FHOD3: variants seen among roughly 807,000 people sequenced by gnomAD.
FHOD3 encodes formin homology 2 domain containing 3.
Under a neutral mutation model 173.0 loss-of-function variants are expected in FHOD3, and 90 were observed. The observed-to-expected ratio is 0.52, with a 90% CI of 0.44 to 0.62. The LOEUF is 0.62. FHOD3 is among the 20% of genes least tolerant of loss of function. FHOD3 has a pLI of 0.00. For missense variants in FHOD3, 1,945 were observed against 2,034.7 expected (o/e 0.96, Z 0.85); for synonymous variants, 828 against 823.0 (o/e 1.01, Z -0.10).
Position 36,379,528 on chromosome 18 carries a change from C to T in FHOD3, c.337+6784C>T, listed in dbSNP as rs2047628096. On this transcript the variant is annotated intron_variant, in intron 3 of 28. Transcript: ENST00000590592. ...TAATTGTTTATATCCTGGTTGGTCACTTAACAAGGAACATGAAAATCTGGC... is the reference window on the plus strand; with the variant it reads ...TAATTGTTTATATCCTGGTTGGTCATTTAACAAGGAACATGAAAATCTGGC... Among the ~76,000 whole-genome samples, 3 of 152,084 alleles carry T rather than the reference C, an allele frequency of 2.0e-5. No homozygotes were observed. In the South Asian group the frequency reaches 6.2e-4, roughly 32 times the overall value.
At chr18:36,335,128 A>G (rs1474560173) in intron 1 of FHOD3, among the ~76,000 whole-genome samples, 2 of 152,236 alleles carry the variant, frequency 1.3e-5, no homozygotes, top group Non-Finnish European at 2.9e-5. Flanking sequence ...CCTGGGCCAC[A>G]CTGGCAAAAG....
rs2040563743 is a variant in FHOD3, at chr18:36,718,164, C to T, written c.2866C>T (p.Pro956Ser). Residue 956 changes from proline to serine, a missense_variant, in exon 19 of 29, where the codon CCT (proline) becomes TCT (serine). Coordinates refer to ENST00000590592, the MANE Select transcript of FHOD3 (RefSeq NM_001281740.3). ...GGACCTGGGGAGAGGTTCCATCTCC[C>T]CTGATGCTGAGCCCAATGACAAGGT... ...SGDLGRGSIS[P>S]DAEPNDKVPE... is the part of the protein sequence containing the mutation. The T allele has an allele frequency of 1.2e-6, 2 of 1,611,722 alleles. No homozygotes were observed. Among genetic ancestry groups the T allele is most frequent in the Non-Finnish European group, 1.7e-6 (2 of 1,178,808 alleles).
intron 17 of FHOD3, among the ~76,000 whole-genome samples, chr18:36,703,471 T>G (rs921391270): frequency 1.3e-5 from 2 of 152,178 alleles, no homozygotes; most frequent in Admixed American, 1.3e-4. Flanking sequence ...ACATGTTTCC[T>G]TATTTCTCAC....
chr18:36,704,720 G>A (rs2149614572), intron 17 of FHOD3, among the ~76,000 whole-genome samples: 1 of 152,216 alleles, frequency 6.6e-6, no homozygotes, highest in Non-Finnish European at 1.5e-5. Context: ...TAATACCAGA[G>A]CCCTCCCCAT....
Position 36,718,517 on chromosome 18 carries a change from C to T in FHOD3, c.3219C>T (p.Pro1073=), listed in dbSNP as rs1326263851. The part of the protein sequence containing the change: ...APQGLGWSQV[P]RGQPTFTKKK... ...AGGGCTTAGGGTGGTCCCAGGTACC[C>T]AGGGGTCAGCCCACATTCACTAAGA... Residue 1073 remains proline, a synonymous_variant, in exon 19 of 29, where the codon CCC becomes CCT. Transcript: ENST00000590592. 2 of 1,614,108 alleles carry T rather than the reference C, an allele frequency of 1.2e-6. No individual in the cohort carries two copies. Among genetic ancestry groups the T allele is most frequent in the South Asian group, 2.2e-5 (2 of 91,080 alleles).
intron 1 of FHOD3, among the ~76,000 whole-genome samples, chr18:36,350,373 T>C (rs1038666942): frequency 6.6e-6 from 1 of 152,180 alleles, no homozygotes; most frequent in African/African-American, 2.4e-5. Flanking sequence ...TCTGAAGTCT[T>C]CCTGTTGCAC....
intron 9 of FHOD3, among the ~76,000 whole-genome samples, chr18:36,621,361 G>T (rs766110409): frequency 1.6e-4 from 24 of 152,300 alleles, no homozygotes; most frequent in Non-Finnish European, 2.4e-4. Flanking sequence ...AAACACCCCA[G>T]AACTTAGTGG....
chr18:36,308,026 A>T lies in FHOD3; in HGVS notation c.165+10026A>T, dbSNP rs187930764. Among the ~76,000 whole-genome samples the T allele has an allele frequency of 3.3e-5, 5 of 152,304 alleles. No homozygotes were observed. The East Asian group carries it at 9.7e-4, about 29-fold the overall frequency. On this transcript the variant is annotated intron_variant, in intron 1 of 28. Transcript: ENST00000590592. ...CCAGTCTATGTATGTACCATGATCC[A>T]TGTAACCATTGTTCCCAGGTTCCAT... is the stretch of plus-strand genomic sequence containing the variant.
intron 3 of FHOD3, among the ~76,000 whole-genome samples, chr18:36,408,739 G>A (rs760955070): frequency 6.6e-6 from 1 of 152,150 alleles, no homozygotes; most frequent in Non-Finnish European, 1.5e-5. Flanking sequence ...TCTGGCCAGG[G>A]CTAAAGAGTA....
intron 10 of FHOD3, among the ~76,000 whole-genome samples, chr18:36,641,822 G>A (rs963765144): frequency 2.2e-4 from 34 of 152,006 alleles, no homozygotes; most frequent in African/African-American, 8.2e-4. Context: ...TGGGTGTGGT[G>A]GTGCATGCCT....
At chr18:36,356,913 C>T (rs1461235823) in intron 2 of FHOD3, among the ~76,000 whole-genome samples, 2 of 152,040 alleles carry the variant, frequency 1.3e-5, no homozygotes, top group African/African-American at 2.4e-5. Flanking sequence ...GGATTACAGG[C>T]GTGAGTCACC....
chr18:36,501,431 G>A (rs2055025895), intron 3 of FHOD3, among the ~76,000 whole-genome samples: 1 of 152,236 alleles, frequency 6.6e-6, no homozygotes, highest in South Asian at 2.1e-4. Context: ...AGGAACAGGA[G>A]ATGCAGAAAG....
In FHOD3 at chr18:36,703,822, A is replaced by G. The variant is rs752520; in HGVS notation, c.2237-5273A>G. Among the ~76,000 whole-genome samples the G allele has an allele frequency of 3.1e-3, 468 of 152,310 alleles. 15 individuals carry two copies. In the East Asian group the frequency reaches 0.084, roughly 27 times the overall value. ...ACCTGCATGAGGAAAGCATGGTCAC[A>G]TTCTCCATCTGACGGGGCAGCCTTT... On this transcript the variant is annotated intron_variant, in intron 17 of 28. Coordinates refer to ENST00000590592, the MANE Select transcript of FHOD3 (RefSeq NM_001281740.3).
intron 12 of FHOD3, 65 bp from the exon 13 acceptor site, chr18:36,653,277 A>G (rs1568554946): frequency 1.6e-6 from 2 of 1,260,420 alleles, no homozygotes; most frequent in East Asian, 5.0e-5. Context: ...ACGCTGAAGA[A>G]TGTATCAAAG....
rs146658066 is a variant in FHOD3, at chr18:36,442,706, T to C, written c.338-59226T>C. ...CCAAATGTTCACATCTTTTAAACCATAGTACAAGCAGTAAAGTCAAGACAT... is the reference window on the plus strand; with the variant it reads ...CCAAATGTTCACATCTTTTAAACCACAGTACAAGCAGTAAAGTCAAGACAT... On this transcript the variant is annotated intron_variant, in intron 3 of 28. Transcript: ENST00000590592. Among the ~76,000 whole-genome samples, 6 of 152,344 alleles carry C rather than the reference T, an allele frequency of 3.9e-5. No individual in the cohort carries two copies. The East Asian group carries it at 9.6e-4, about 24-fold the overall frequency.
At chr18:36,775,066 G>A (rs570651072) in intron 28 of FHOD3, among the ~76,000 whole-genome samples, 2 of 152,238 alleles carry the variant, frequency 1.3e-5, no homozygotes, top group South Asian at 2.1e-4. Flanking sequence ...GTGAATGGAC[G>A]GTGTTGAACA....
chr18:36,740,591 C>T (rs559142918), intron 20 of FHOD3, 65 bp from the exon 21 acceptor site: 1 of 1,364,720 alleles, frequency 7.3e-7, no homozygotes, highest in Non-Finnish European at 1.0e-6. Flanking sequence ...AATTTTATAA[C>T]ATTGAAGGGA....
chr18:36,368,127 T>G (rs1436021174), intron 2 of FHOD3, among the ~76,000 whole-genome samples: 1 of 152,062 alleles, frequency 6.6e-6, no homozygotes, highest in East Asian at 1.9e-4. Flanking sequence ...CTCTCATCTA[T>G]GTAATCTATC....
intron 24 of FHOD3, among the ~76,000 whole-genome samples, chr18:36,747,912 C>A (rs1378786849): frequency 6.6e-6 from 1 of 152,218 alleles, no homozygotes; most frequent in African/African-American, 2.4e-5. Flanking sequence ...CTCCCTCCCT[C>A]CCTGCCTTTC....
Sources: allele counts gnomAD v4.1 joint callset (sites outside exome capture counted in the v4.1 genomes callset), GRCh38; gene constraint gnomAD v4.1.1; transcripts MANE v1.5; gene names NCBI Gene and HGNC (gene_info 2026-07-23, HGNC 2026-07-21).